Variants in FRMD4A observed in about 807,000 individuals in gnomAD.
The protein encoded by FRMD4A is FERM domain containing 4A.
FRMD4A carries 29 observed loss-of-function variants against 129.1 expected under a neutral mutation model. That is an observed-to-expected ratio of 0.22 (90% CI 0.17 to 0.31). The LOEUF (loss-of-function observed/expected upper bound fraction) is 0.31. Among genes scored for constraint, FRMD4A ranks in the 10% least tolerant of loss-of-function variants. The pLI, the probability that FRMD4A is intolerant of heterozygous loss-of-function variation, is 1.00. For missense variants in FRMD4A, 1,272 were observed against 1,375.8 expected (o/e 0.92, Z 1.19); for synonymous variants, 634 against 571.6 (o/e 1.11, Z -1.56).
chr10:13,993,196 G>GA (rs1287009331), intron 2 of FRMD4A, among the ~76,000 whole-genome samples: 1 of 152,152 alleles, frequency 6.6e-6, no homozygotes, highest in Non-Finnish European at 1.5e-5. Flanking sequence ...CTGCTGTTTA[G>GA]AAGGGACAAT....
intron 2 of FRMD4A, among the ~76,000 whole-genome samples, chr10:14,309,356 G>A (rs1038800912): frequency 2.6e-5 from 4 of 152,030 alleles, no homozygotes; most frequent in Non-Finnish European, 5.9e-5. Context: ...TGGCTGAGGC[G>A]GGACAATCGC....
chr10:14,204,976 G>A (rs867140817), intron 2 of FRMD4A, among the ~76,000 whole-genome samples: 6 of 152,036 alleles, frequency 3.9e-5, no homozygotes, highest in African/African-American at 1.4e-4. Flanking sequence ...TTTCAAAGTC[G>A]CTGCTGTTGT....
chr10:13,824,704 C>A (rs894420535), intron 3 of FRMD4A, among the ~76,000 whole-genome samples: 4 of 151,662 alleles, frequency 2.6e-5, no homozygotes, highest in Non-Finnish European at 5.9e-5. Flanking sequence ...ACCAGCCTGA[C>A]CAAAATGGGG....
intron 2 of FRMD4A, among the ~76,000 whole-genome samples, chr10:14,050,733 C>A (rs762260503): frequency 2.0e-5 from 3 of 152,154 alleles, no homozygotes; most frequent in African/African-American, 4.8e-5. Flanking sequence ...AATAAAACCC[C>A]TAATGGACAG....
chr10:14,141,355 G>C (rs1376456218), intron 2 of FRMD4A, among the ~76,000 whole-genome samples: 2 of 152,106 alleles, frequency 1.3e-5, no homozygotes, highest in Non-Finnish European at 2.9e-5. Context: ...GGCTCTAACA[G>C]CAGGGCACAC....
chr10:13,654,590 T>A, intron 22 of FRMD4A, 78 bp from the exon 23 acceptor site: 1 of 887,264 alleles, frequency 1.1e-6, no homozygotes, highest in Non-Finnish European at 1.8e-6. Flanking sequence ...ACTTGTTGGC[T>A]GACACCAACC....
At chr10:14,235,212 C>G (rs12255575) in intron 2 of FRMD4A, among the ~76,000 whole-genome samples, 3,790 of 148,896 alleles carry the variant, frequency 0.025, 179 homozygotes, top group African/African-American at 0.089. Context: ...TGCAGTGGCG[C>G]GATCTCGGCT....
intron 2 of FRMD4A, among the ~76,000 whole-genome samples, chr10:13,900,882 G>A (rs1039957205): frequency 6.6e-6 from 1 of 152,120 alleles, no homozygotes; most frequent in Non-Finnish European, 1.5e-5. Flanking sequence ...GGGCGACAGA[G>A]CGAGATTCCG....
intron 2 of FRMD4A, among the ~76,000 whole-genome samples, chr10:14,299,257 G>T (rs1004617088): frequency 6.6e-6 from 1 of 152,198 alleles, no homozygotes; most frequent in Admixed American, 6.5e-5. Flanking sequence ...TTTGTTCCAG[G>T]TGCATTTTAG....
At chr10:14,217,624 A>G (rs917891652) in intron 2 of FRMD4A, among the ~76,000 whole-genome samples, 2 of 152,134 alleles carry the variant, frequency 1.3e-5, no homozygotes, top group African/African-American at 4.8e-5. Flanking sequence ...GAAGAATTCA[A>G]CCACCCACCA....
At chr10:13,959,449 G>A (rs1203466211) in intron 2 of FRMD4A, among the ~76,000 whole-genome samples, 1 of 132,480 alleles carries the variant, frequency 7.5e-6, no homozygotes, top group Non-Finnish European at 1.5e-5. Context: ...TCCCCTCCGG[G>A]TGACAGAGCA....
rs954629450 is a variant in FRMD4A, at chr10:13,718,495, G to T, written c.760-11382C>A. ...CTGCAGCTGGGGCCTTTCTCTCTAC[G>T]GATCCTCTTGCGGGAGCAATTTGGT... On this transcript the variant is annotated intron_variant, in intron 12 of 24. Transcript: ENST00000357447. Among the ~76,000 whole-genome samples the T allele has an allele frequency of 2.0e-5, 3 of 152,322 alleles. No homozygotes were observed. The South Asian group carries it at 6.2e-4, about 32-fold the overall frequency.
At chr10:13,951,152 G>A (rs2095367762) in intron 2 of FRMD4A, among the ~76,000 whole-genome samples, 1 of 152,192 alleles carries the variant, frequency 6.6e-6, no homozygotes, top group Admixed American at 6.5e-5. Flanking sequence ...AAACATTGAG[G>A]CAGATGGGGA....
At chr10:14,299,205 C>T (rs547909694) in intron 2 of FRMD4A, among the ~76,000 whole-genome samples, 1 of 152,258 alleles carries the variant, frequency 6.6e-6, no homozygotes, top group East Asian at 1.9e-4. Flanking sequence ...TGATGGAAAA[C>T]TTCTTGTCAA....
chr10:14,214,365 T>C (rs1297492528), intron 2 of FRMD4A, among the ~76,000 whole-genome samples: 1 of 152,164 alleles, frequency 6.6e-6, no homozygotes, highest in African/African-American at 2.4e-5. Context: ...GGGAGTTGGC[T>C]GACATTGGAT....
At chr10:14,257,403 A>T (rs548115361) in intron 2 of FRMD4A, among the ~76,000 whole-genome samples, 2 of 152,328 alleles carry the variant, frequency 1.3e-5, no homozygotes, top group South Asian at 4.1e-4. Context: ...ATGAACAAGG[A>T]CCTTAAAAAA....
intron 2 of FRMD4A, among the ~76,000 whole-genome samples, chr10:13,870,435 G>T (rs80129239): frequency 6.6e-6 from 1 of 152,140 alleles, no homozygotes; most frequent in African/African-American, 2.4e-5. Context: ...CTCCCTTGCC[G>T]TGGGGCCTGG....
chr10:13,877,014 T>C (rs1370277217), intron 2 of FRMD4A, among the ~76,000 whole-genome samples: 9 of 152,146 alleles, frequency 5.9e-5, no homozygotes, highest in Non-Finnish European at 5.9e-5. Flanking sequence ...AGAATCAATG[T>C]GGATCTGCCC....
At chr10:14,061,671 G>A (rs764876042) in intron 2 of FRMD4A, among the ~76,000 whole-genome samples, 2 of 152,022 alleles carry the variant, frequency 1.3e-5, no homozygotes, top group Non-Finnish European at 2.9e-5. Context: ...ATGAAACAAG[G>A]GGGATTGGCA....
Sources: gnomAD v4.1 joint callset for allele counts (sites outside exome capture counted in the v4.1 genomes callset) on GRCh38, gnomAD v4.1.1 for gene constraint, MANE v1.5 for transcripts, NCBI Gene and HGNC (gene_info 2026-07-23, HGNC 2026-07-21) for gene names.